The following SETD2 variants were observed in gnomAD, a reference collection of about 807,000 sequenced individuals.
The protein encoded by SETD2 is histone-lysine N-methyltransferase SETD2.
SETD2 carries 31 observed loss-of-function variants against 242.1 expected under a neutral mutation model. The observed-to-expected ratio is 0.13, with a 90% confidence interval of 0.10 to 0.17. SETD2 has a LOEUF of 0.17. SETD2 is among the 10% of genes least tolerant of loss of function. The pLI is 1.00. For missense variants in SETD2, 2,481 were observed against 3,046.3 expected (o/e 0.81, Z 4.37); for synonymous variants, 1,006 against 1,066.5 (o/e 0.94, Z 1.11).
chr3:47,075,936 T>C (rs1256407248), intron 12 of SETD2, among the ~76,000 whole-genome samples: 2 of 152,250 alleles, frequency 1.3e-5, no homozygotes, highest in Non-Finnish European at 2.9e-5. Context: ...CAGAAAAAGA[T>C]GGACTTTCTT....
At chr3:47,049,644 T>C (rs1005591002) in intron 15 of SETD2, among the ~76,000 whole-genome samples, 2 of 148,094 alleles carry the variant, frequency 1.4e-5, no homozygotes, top group Non-Finnish European at 1.5e-5. Context: ...AGTGCTGGGA[T>C]TACAGGTGTG....
intron 6 of SETD2, among the ~76,000 whole-genome samples, chr3:47,104,265 G>A (rs1030145979): frequency 2.6e-5 from 4 of 152,046 alleles, no homozygotes; most frequent in African/African-American, 9.7e-5. Flanking sequence ...TCCAAGGCCA[G>A]GCACAGTGGT....
Position 47,095,802 on chromosome 3 carries a change from G to GA in SETD2, c.5142+2152dup, listed in dbSNP as rs200092445. Among the ~76,000 whole-genome samples the GA allele has an allele frequency of 1.7e-4, 24 of 145,258 alleles. No individual in the cohort carries two copies. In the East Asian group the frequency reaches 2.2e-3, roughly 13 times the overall value. On this transcript the variant is annotated intron_variant, in intron 9 of 20. Coordinates refer to ENST00000409792, the MANE Select transcript of SETD2 (RefSeq NM_014159.7). ...CAAATGACCATCATGCAGAAGTTGA[G>GA]AAAAAAAAAGAAAAAAATTACAGCA... is the stretch of plus-strand genomic sequence containing the variant.
chr3:47,022,808 A>G (rs770403972), intron 18 of SETD2, among the ~76,000 whole-genome samples: 8 of 152,196 alleles, frequency 5.3e-5, no homozygotes, highest in Admixed American at 4.6e-4. Context: ...GATTCCTAGG[A>G]AATCTGTTCT....
At chr3:47,046,355 A>C in intron 16 of SETD2, 132 bp downstream of exon 16, 1 of 741,282 alleles carries the variant, frequency 1.3e-6, no homozygotes, top group Non-Finnish European at 2.0e-6. Flanking sequence ...AATAAAATAA[A>C]ATAAAATAAA....
intron 1 of SETD2, among the ~76,000 whole-genome samples, chr3:47,133,773 C>T (rs1303817583): frequency 1.3e-5 from 2 of 152,026 alleles, no homozygotes; most frequent in South Asian, 2.1e-4. Context: ...CCTAGAGCCT[C>T]AGCTGGAAAA....
intron 13 of SETD2, among the ~76,000 whole-genome samples, chr3:47,063,996 AAAAC>A (rs1034030621): frequency 9.9e-5 from 15 of 152,242 alleles, no homozygotes; most frequent in East Asian, 9.7e-4. Flanking sequence ...AGGAAAAAAA[AAAAC>A]AACAACTACT....
intron 18 of SETD2, among the ~76,000 whole-genome samples, chr3:47,034,838 AT>A: frequency 6.6e-6 from 1 of 152,330 alleles, no homozygotes; most frequent in Admixed American, 6.5e-5. Context: ...TTTGTGCTGA[AT>A]AGGAACTCAA....
intron 8 of SETD2, among the ~76,000 whole-genome samples, chr3:47,099,479 T>C (rs867596054): frequency 2.0e-5 from 3 of 152,252 alleles, no homozygotes; most frequent in South Asian, 2.1e-4. Flanking sequence ...ACGGGTAATG[T>C]TGTGTTCTTT....
intron 9 of SETD2, among the ~76,000 whole-genome samples, chr3:47,091,688 G>A (rs529437551): frequency 2.0e-5 from 3 of 152,302 alleles, no homozygotes; most frequent in Non-Finnish European, 2.9e-5. Context: ...ACTTCAGCGC[G>A]GGAGGCGGAG....
chr3:47,048,866 C>T (rs1357630980), intron 15 of SETD2, among the ~76,000 whole-genome samples: 1 of 151,946 alleles, frequency 6.6e-6, no homozygotes, highest in African/African-American at 2.4e-5. Flanking sequence ...CGGGGTTTCA[C>T]CATGTTGGCC....
At chr3:47,018,382 C>A (rs1294269115) in intron 19 of SETD2, among the ~76,000 whole-genome samples, 1 of 152,076 alleles carries the variant, frequency 6.6e-6, no homozygotes, top group Non-Finnish European at 1.5e-5. Context: ...ATTTGTGGTG[C>A]TAAGATCATA....
chr3:47,033,726 A>G (rs895661367), intron 18 of SETD2, among the ~76,000 whole-genome samples: 3 of 139,580 alleles, frequency 2.1e-5, no homozygotes, highest in Admixed American at 8.0e-5. Flanking sequence ...CAGTGGTGCA[A>G]TCTTGGCTCA....
At chr3:47,035,974 T>C (rs937650974) in intron 18 of SETD2, among the ~76,000 whole-genome samples, 3 of 152,240 alleles carry the variant, frequency 2.0e-5, no homozygotes, top group African/African-American at 4.8e-5. Context: ...TGTGATTCAT[T>C]TGAAATTTAG....
At chr3:47,149,673 A>C (rs2043938575) in intron 1 of SETD2, among the ~76,000 whole-genome samples, 1 of 152,100 alleles carries the variant, frequency 6.6e-6, no homozygotes, top group Non-Finnish European at 1.5e-5. Context: ...CCTGATCCCC[A>C]TCCCAGTAGA....
chr3:47,030,695 G>A (rs530626719), intron 18 of SETD2, among the ~76,000 whole-genome samples: 1 of 152,192 alleles, frequency 6.6e-6, no homozygotes, highest in South Asian at 2.1e-4. Context: ...ATTTTTATTA[G>A]AAACTATTAT....
chr3:47,055,961 C>A (rs1396603335), intron 15 of SETD2, among the ~76,000 whole-genome samples: 1 of 118,826 alleles, frequency 8.4e-6, no homozygotes, highest in Admixed American at 1.2e-4. Flanking sequence ...TGCAGTGAAC[C>A]GAGATCGCGC....
rs920999320 is a variant in SETD2 at position 47,133,007 on chromosome 3, C to T, written c.72-6344G>A. On this transcript the variant is annotated intron_variant, in intron 1 of 20. Transcript: ENST00000409792. Reference sequence around the variant, plus strand: ...TCAGTGTTAATTTCCTGAATTTGATCATTGTAATGTTGTTTTTAGGAAATA... The same window carrying T: ...TCAGTGTTAATTTCCTGAATTTGATTATTGTAATGTTGTTTTTAGGAAATA... 5.3e-5 allele frequency among the ~76,000 whole-genome samples: 8 copies of T among 152,150 alleles called. No homozygotes were observed. In the South Asian group the frequency reaches 8.3e-4, roughly 16 times the overall value.
At chr3:47,149,029 A>C (rs373367475) in intron 1 of SETD2, among the ~76,000 whole-genome samples, 1 of 152,194 alleles carries the variant, frequency 6.6e-6, no homozygotes, top group African/African-American at 2.4e-5. Flanking sequence ...ACATTTGCAA[A>C]GTCAGAGGAA....
Sources: gnomAD v4.1 joint callset for allele counts (sites outside exome capture counted in the v4.1 genomes callset) on GRCh38, gnomAD v4.1.1 for gene constraint, MANE v1.5 for transcripts, NCBI Gene and HGNC (gene_info 2026-07-23, HGNC 2026-07-21) for gene names.